The following CNTLN variants were observed in gnomAD, a reference collection of about 807,000 sequenced individuals.
CNTLN encodes the protein centlein, centrosomal protein.
In CNTLN, 212 loss-of-function variants were observed where a neutral mutation model predicts 180.0. The ratio of observed to expected loss-of-function variants is 1.18; its 90% CI spans 1.05 to 1.32. The LOEUF (loss-of-function observed/expected upper bound fraction) is 1.32. Ranked by LOEUF, CNTLN falls within the 40% of genes most tolerant of loss-of-function variation. CNTLN has a pLI of 0.00. For missense variants in CNTLN, 2,095 were observed against 1,610.9 expected, an observed-to-expected ratio of 1.30 and a Z score of -5.14; for synonymous variants, 722 against 563.1, an observed-to-expected ratio of 1.28 and a Z score of -3.99.
chr9:17,193,792 A>G (rs1821944376), intron 2 of CNTLN, among the ~76,000 whole-genome samples: 1 of 152,090 alleles, frequency 6.6e-6, no homozygotes, highest in African/African-American at 2.4e-5. Context: ...CCGATTCCAC[A>G]TTTCCCTTCT....
chr9:17,433,135 A>T (rs2133992277), intron 18 of CNTLN, among the ~76,000 whole-genome samples: 1 of 152,202 alleles, frequency 6.6e-6, no homozygotes, highest in South Asian at 2.1e-4. Flanking sequence ...TTAGAGTAAA[A>T]GTGATCTGAG....
At chr9:17,382,654 G>A (rs1421405028) in intron 13 of CNTLN, among the ~76,000 whole-genome samples, 16 of 152,174 alleles carry the variant, frequency 1.1e-4, no homozygotes. Flanking sequence ...TAAAACCCAT[G>A]CAGTATATTT....
chr9:17,486,033 A>C (rs536712478), intron 24 of CNTLN, among the ~76,000 whole-genome samples: 9 of 152,144 alleles, frequency 5.9e-5, no homozygotes, highest in Non-Finnish European at 1.2e-4. Context: ...ATCTTAAATC[A>C]AGTCCCTCCT....
At chr9:17,527,046 C>G in the CNTLN span, among the ~76,000 whole-genome samples, 1 of 152,018 alleles carries the variant, frequency 6.6e-6, no homozygotes, top group Non-Finnish European at 1.5e-5. Flanking sequence ...CTCAGCTAAG[C>G]TATTTTCTGT....
In CNTLN at chr9:17,312,343, TTA is replaced by T. The variant is rs1225851796; in HGVS notation, c.1341+3111_1341+3112del. Among the ~76,000 whole-genome samples the T allele has an allele frequency of 6.5e-3, 198 of 30,356 alleles. 6 individuals carry two copies. Among genetic ancestry groups the T allele is most frequent in the African/African-American group, 9.3e-3 (102 of 10,980 alleles). The allele number at this position is 30,356 out of a possible 152,430, so 19.9% of individuals were successfully genotyped here. ...GTAGTACTCGATAAGATTACTGTATTTATATATATATATATATATATTATATA... is the reference window on the plus strand; with the variant it reads ...GTAGTACTCGATAAGATTACTGTATTTATATATATATATATATATTATATA... On this transcript the variant is annotated intron_variant, in intron 8 of 25. Coordinates refer to ENST00000380647, the MANE Select transcript of CNTLN (RefSeq NM_017738.4).
intron 12 of CNTLN, among the ~76,000 whole-genome samples, chr9:17,354,371 G>C (rs544957032): frequency 2.0e-3 from 305 of 152,330 alleles, no homozygotes; most frequent in African/African-American, 7.0e-3. Context: ...CCCGGTGCGG[G>C]ATCCACTGGG....
At chr9:17,431,334 G>T (rs1829407858) in intron 18 of CNTLN, among the ~76,000 whole-genome samples, 1 of 151,594 alleles carries the variant, frequency 6.6e-6, no homozygotes, top group Non-Finnish European at 1.5e-5. Context: ...TATACCTTTT[G>T]GCCATTTATG....
At position 17,152,440 on chromosome 9, in the gene CNTLN, G is replaced by A. The variant is rs553090152; in HGVS notation, c.449+9064G>A. ...TTACCCAGTAGTCATTCAGGAGCAG[G>A]TTGTTCGGTTTCCATGTATTTGTGC... On this transcript the variant is annotated intron_variant, in intron 2 of 25. Coordinates refer to ENST00000380647, the MANE Select transcript of CNTLN (RefSeq NM_017738.4). 9.9e-5 allele frequency among the ~76,000 whole-genome samples: 15 copies of A among 152,244 alleles called. No homozygotes were observed. The South Asian group carries it at 3.1e-3, about 32-fold the overall frequency.
At chr9:17,135,817 T>G (rs74919991) in intron 1 of CNTLN, among the ~76,000 whole-genome samples, 9,317 of 152,230 alleles carry the variant, frequency 0.061, 377 homozygotes, top group East Asian at 0.17. Context: ...GTGTAAACAC[T>G]TCGGTTAGAG....
intron 6 of CNTLN, among the ~76,000 whole-genome samples, chr9:17,283,460 T>C (rs1003407373): frequency 1.3e-5 from 2 of 152,170 alleles, no homozygotes; most frequent in African/African-American, 4.8e-5. Context: ...TACTGAGACT[T>C]TGCTGAAGTT....
intron 13 of CNTLN, among the ~76,000 whole-genome samples, chr9:17,369,731 A>G (rs949251411): frequency 6.6e-6 from 1 of 151,828 alleles, no homozygotes; most frequent in African/African-American, 2.4e-5. Context: ...TCATGCCTGT[A>G]ATCCCAGCAC....
chr9:17,438,816 A>G (rs895989793), intron 18 of CNTLN, among the ~76,000 whole-genome samples: 1 of 152,168 alleles, frequency 6.6e-6, no homozygotes, highest in African/African-American at 2.4e-5. Flanking sequence ...GGGCGTGGAG[A>G]TAGGTACAAA....
chr9:17,301,175 A>G (rs1043932104), intron 7 of CNTLN: 5 of 985,442 alleles, frequency 5.1e-6, no homozygotes, highest in Non-Finnish European at 6.0e-6. Flanking sequence ...AATGGACTCT[A>G]GTTCAAACCA....
At chr9:17,520,167 A>G in the CNTLN span, among the ~76,000 whole-genome samples, 18 of 152,158 alleles carry the variant, frequency 1.2e-4, no homozygotes, top group Non-Finnish European at 2.5e-4. Flanking sequence ...GCCTCCTTTC[A>G]CTGAACAAAT....
At chr9:17,497,891 T>C (rs56331946) in intron 25 of CNTLN, among the ~76,000 whole-genome samples, 27,192 of 152,174 alleles carry the variant, frequency 0.18, 2,803 homozygotes, top group Non-Finnish European at 0.23. Flanking sequence ...TGTATGTATA[T>C]ATATGTATGT....
chr9:17,266,693 C>G (rs911580290), intron 5 of CNTLN, among the ~76,000 whole-genome samples: 16 of 152,130 alleles, frequency 1.1e-4, no homozygotes, highest in African/African-American at 3.9e-4. Flanking sequence ...GTAGGTTACT[C>G]AGGACTTGCT....
At chr9:17,468,982 A>T (rs894809453) in intron 23 of CNTLN, among the ~76,000 whole-genome samples, 2 of 151,714 alleles carry the variant, frequency 1.3e-5, no homozygotes, top group African/African-American at 4.8e-5. Flanking sequence ...ATAGGGAAAG[A>T]TGATAAATAT....
chr9:17,178,934 G>T (rs993532441), intron 2 of CNTLN, among the ~76,000 whole-genome samples: 1 of 152,132 alleles, frequency 6.6e-6, no homozygotes, highest in African/African-American at 2.4e-5. Flanking sequence ...CTGCCAGCAC[G>T]CTGTCACCTC....
intron 19 of CNTLN, 23 bp downstream of exon 19, chr9:17,457,738 A>C: frequency 7.4e-7 from 1 of 1,343,008 alleles, no homozygotes; most frequent in South Asian, 2.2e-5. Flanking sequence ...TTTATTAAGC[A>C]TGAAAACATA....
Sources: gnomAD v4.1 joint callset for allele counts (sites outside exome capture counted in the v4.1 genomes callset) on GRCh38, gnomAD v4.1.1 for gene constraint, MANE v1.5 for transcripts, NCBI Gene and HGNC (gene_info 2026-07-23, HGNC 2026-07-21) for gene names.